ZNF805: variants seen among roughly 807,000 people sequenced by gnomAD.
The protein encoded by ZNF805 is CTC-444N24.8.
Under a neutral mutation model 13.6 loss-of-function variants are expected in ZNF805, and 7 were observed. That is an observed-to-expected ratio of 0.51 (90% confidence interval 0.29 to 0.97). The LOEUF (loss-of-function observed/expected upper bound fraction) is 0.97. Ranked by LOEUF, ZNF805 falls within the 50% of genes least tolerant of loss-of-function variation. The pLI is 0.08. For synonymous variants in ZNF805, 293 were observed against 279.8 expected, an observed-to-expected ratio of 1.05 and a Z score of -0.47; for missense variants, 604 against 771.0, an observed-to-expected ratio of 0.78 and a Z score of 2.57.
chr19:57,244,148 C>G, intron 2 of ZNF805, 99 bp downstream of exon 2: 2 of 1,436,520 alleles, frequency 1.4e-6, no homozygotes, highest in African/African-American at 1.5e-5. Flanking sequence ...CTCTTACTGG[C>G]CTTGCCTCCT....
chr19:57,249,708 C>A (rs904592078), intron 3 of ZNF805, among the ~76,000 whole-genome samples: 4 of 151,424 alleles, frequency 2.6e-5, no homozygotes, highest in African/African-American at 9.7e-5. Context: ...GTCAATCAGA[C>A]ACTAAGAAGC....
chr19:57,243,927 C>T lies in ZNF805; in HGVS notation c.35C>T (p.Ser12Phe), dbSNP rs780123532. The T allele has an allele frequency of 6.8e-6, 11 of 1,614,062 alleles. No individual in the cohort carries two copies. In the African/African-American group the frequency reaches 8.0e-5, roughly 12 times the overall value. The part of the protein sequence containing the change: ...AMALTDPAQV[S>F]VTFDDVAVTF... ...TACCTCTATTTGACATTTCAGGTGT[C>T]TGTGACCTTTGATGATGTGGCTGTG... Residue 12 changes from serine to phenylalanine, a missense_variant, in exon 2 of 4, where the codon TCT becomes TTT. Ser to Phe is a radical substitution (Grantham distance 155). Transcript: ENST00000414468.
chr19:57,240,948 T>A, intron 1 of ZNF805, 27 bp downstream of exon 1: 1 of 1,556,580 alleles, frequency 6.4e-7, no homozygotes, highest in Non-Finnish European at 8.7e-7. Flanking sequence ...TCGGCCTTGC[T>A]GCTTTTCTGC....
At position 57,245,134 on chromosome 19, in the gene ZNF805, C is replaced by T. The variant is rs918401432; in HGVS notation, c.157+1085C>T. ...CAGGTGTTATTCTAAACAACCTTCA[C>T]GTCCTTCAATCACCTTCACATCCTC... On this transcript the variant is annotated intron_variant, in intron 2 of 3. Coordinates refer to ENST00000414468, the MANE Select transcript of ZNF805 (RefSeq NM_001023563.4). 3.3e-5 allele frequency among the ~76,000 whole-genome samples: 5 copies of T among 152,208 alleles called. 1 individual carries two copies. The highest frequency in any genetic ancestry group is 4.1e-4 in the South Asian group (2 of 4,830).
chr19:57,243,048 C>T (rs946361131), intron 1 of ZNF805, among the ~76,000 whole-genome samples: 1 of 152,042 alleles, frequency 6.6e-6, no homozygotes, highest in South Asian at 2.1e-4. Context: ...TAGCAAGATC[C>T]CAGCTCTACC....
At chr19:57,245,885 G>A (rs189475084) in intron 2 of ZNF805, among the ~76,000 whole-genome samples, 4 of 152,022 alleles carry the variant, frequency 2.6e-5, no homozygotes, top group East Asian at 3.9e-4. Context: ...CTCTTCCCCC[G>A]ATCTCACAAA....
intron 2 of ZNF805, among the ~76,000 whole-genome samples, chr19:57,248,297 A>C (rs1219251089): frequency 6.6e-6 from 1 of 151,946 alleles, no homozygotes; most frequent in Non-Finnish European, 1.5e-5. Context: ...AAAGTGTATC[A>C]CTTTTTCTCT....
rs763738941 is a variant in ZNF805, at chr19:57,254,151, G to A, written c.1332G>A (p.Leu444=). 3 of 1,613,860 alleles carry A rather than the reference G, an allele frequency of 1.9e-6. No individual in the cohort carries two copies. Among genetic ancestry groups the A allele is most frequent in the Admixed American group, 1.7e-5 (1 of 59,992 alleles). ...TCACCCACTGCTCTACTTTCATCTT[G>A]CATAAAAGGGCCCACACTGGAGAAA... is the stretch of plus-strand genomic sequence containing the variant. ...KAFTHCSTFI[L]HKRAHTGEKP... The change falls in exon 4 of 4, where the codon TTG becomes TTA. Residue 444 remains leucine (L), a synonymous_variant. Coordinates refer to ENST00000414468, the MANE Select transcript of ZNF805 (RefSeq NM_001023563.4).
chr19:57,256,470 T>C lies in ZNF805; in HGVS notation c.*1767T>C, dbSNP rs182083954. ...GAAGTGGGACCTGGAGATTTTCCTT[T>C]TGAATGCTTTTTAATTATGTATTTA... On this transcript the variant is annotated 3_prime_UTR_variant, in exon 4 of 4. Coordinates refer to ENST00000414468, the MANE Select transcript of ZNF805 (RefSeq NM_001023563.4). 1.1e-4 allele frequency among the ~76,000 whole-genome samples: 16 copies of C among 152,302 alleles called. No individual in the cohort carries two copies. The highest frequency in any genetic ancestry group is 2.2e-4 in the Non-Finnish European group (15 of 67,990).
chr19:57,258,838 C>T lies in ZNF805; in HGVS notation c.*4135C>T, dbSNP rs886841457. The stretch of plus-strand genomic sequence containing the variant: ...CTATTAACATTTTCTTTCTGTTTGG[C>T]GAACTTGTGTAACCTTTTTTCTAGG... On this transcript the variant is annotated 3_prime_UTR_variant, in exon 4 of 4. Coordinates refer to ENST00000414468, the MANE Select transcript of ZNF805 (RefSeq NM_001023563.4). Among the ~76,000 whole-genome samples the T allele has an allele frequency of 8.5e-5, 13 of 152,102 alleles. No individual in the cohort carries two copies. Among genetic ancestry groups the T allele is most frequent in the African/African-American group, 1.4e-4 (6 of 41,410 alleles).
rs980213739 is a variant in ZNF805 at position 57,255,849 on chromosome 19, G to T, written c.*1146G>T. ...TTGCTTTTCTCATGTTATTGTACTA[G>T]GTAGGATTTCCAGTGTGATGTTGAA... On this transcript the variant is annotated 3_prime_UTR_variant, in exon 4 of 4. Transcript: ENST00000414468. Among the ~76,000 whole-genome samples, 2 of 152,014 alleles carry T rather than the reference G, an allele frequency of 1.3e-5. No individual in the cohort carries two copies. Among genetic ancestry groups the T allele is most frequent in the Admixed American group, 6.5e-5 (1 of 15,272 alleles).
Position 57,261,573 on chromosome 19 carries a change from T to A in ZNF805, c.*6870T>A, listed in dbSNP as rs1316197143. 2 of 167,070 alleles carry A rather than the reference T, an allele frequency of 1.2e-5. No individual in the cohort carries two copies. Among genetic ancestry groups the A allele is most frequent in the South Asian group, 2.1e-4 (1 of 4,832 alleles). 10.3% of individuals were successfully genotyped at this position (167,070 alleles called of 1,614,324 possible). Reference sequence around the variant, plus strand: ...AATGGCCATACACAGCAGGGTATTTTTTATTATTATTTTCAGTTCCCTCAG... The same window carrying A: ...AATGGCCATACACAGCAGGGTATTTATTATTATTATTTTCAGTTCCCTCAG... On this transcript the variant is annotated 3_prime_UTR_variant, in exon 4 of 4. Transcript: ENST00000414468.
At chr19:57,245,404 C>G (rs1246368955) in intron 2 of ZNF805, among the ~76,000 whole-genome samples, 1 of 152,092 alleles carries the variant, frequency 6.6e-6, no homozygotes, top group Non-Finnish European at 1.5e-5. Context: ...TAATGTCTTT[C>G]TAAGCTAGTG....
intron 2 of ZNF805, among the ~76,000 whole-genome samples, chr19:57,248,274 A>G (rs1027356097): frequency 9.9e-5 from 15 of 152,192 alleles, no homozygotes; most frequent in African/African-American, 2.9e-4. Context: ...AAAATAATCA[A>G]TGTTTAATAT....
At chr19:57,241,153 AT>A (rs2087577544) in intron 1 of ZNF805, among the ~76,000 whole-genome samples, 1 of 152,020 alleles carries the variant, frequency 6.6e-6, no homozygotes, top group South Asian at 2.1e-4. Flanking sequence ...GTGACGTACA[AT>A]TTTTTTGTAG....
intron 1 of ZNF805, among the ~76,000 whole-genome samples, chr19:57,242,729 G>T (rs528519713): frequency 1.3e-5 from 2 of 152,240 alleles, no homozygotes; most frequent in South Asian, 4.1e-4. Flanking sequence ...TGGTGATGAG[G>T]GTTTTGCCCA....
At chr19:57,244,939 C>A (rs1263336366) in intron 2 of ZNF805, among the ~76,000 whole-genome samples, 1 of 152,026 alleles carries the variant, frequency 6.6e-6, no homozygotes, top group Non-Finnish European at 1.5e-5. Context: ...CATAGACTGG[C>A]CTCTGTCTGC....
intron 1 of ZNF805, among the ~76,000 whole-genome samples, chr19:57,242,675 G>A (rs1483428722): frequency 6.6e-6 from 1 of 152,170 alleles, no homozygotes; most frequent in African/African-American, 2.4e-5. Context: ...AGGATGAGCT[G>A]GTCCAGGCAC....
intron 3 of ZNF805, among the ~76,000 whole-genome samples, 193 bp from the exon 4 acceptor site, chr19:57,252,880 G>C (rs906596673): frequency 1.1e-4 from 16 of 152,066 alleles, no homozygotes; most frequent in African/African-American, 3.9e-4. Flanking sequence ...CTCTCTGCCT[G>C]GTCTCCCTTT....
Sources: allele counts gnomAD v4.1 joint callset (sites outside exome capture counted in the v4.1 genomes callset), GRCh38; gene constraint gnomAD v4.1.1; transcripts MANE v1.5; gene names NCBI Gene and HGNC (gene_info 2026-07-23, HGNC 2026-07-21).